The following KIRREL2 variants were observed in gnomAD, a reference collection of about 807,000 sequenced individuals.
KIRREL2 encodes kin of IRRE-like protein 2.
KIRREL2 carries 56 observed loss-of-function variants against 73.4 expected under a neutral mutation model. That is an observed-to-expected ratio of 0.76 (90% CI 0.62 to 0.95). The LOEUF (loss-of-function observed/expected upper bound fraction) is 0.95. Ranked by LOEUF, KIRREL2 falls within the 40% of genes least tolerant of loss-of-function variation. The pLI is 0.00. For missense variants in KIRREL2, 896 were observed against 935.0 expected, an observed-to-expected ratio of 0.96 and a Z score of 0.54; for synonymous variants, 407 against 404.0, an observed-to-expected ratio of 1.01 and a Z score of -0.09.
chr19:35,856,768 C>A (rs1054466258), upstream of KIRREL2: 1 of 406,956 alleles, frequency 2.5e-6, no homozygotes, highest in African/African-American at 2.1e-5. This position sits in a 1 kb window ranked among gnomAD's most constrained non-coding sequence, Gnocchi z 5.9. Context: ...GAGCTGGGGG[C>A]GCCCACCCGC....
At chr19:35,858,660 T>C (rs1199219992) in intron 3 of KIRREL2, 44 bp from the exon 4 acceptor site, 2 of 1,610,724 alleles carry the variant, frequency 1.2e-6, no homozygotes, top group East Asian at 4.5e-5. Context: ...CAATTGGAGC[T>C]GAGAAGATCA....
chr19:35,851,919 T>A, upstream of KIRREL2: 1 of 1,197,956 alleles, frequency 8.3e-7, no homozygotes, highest in Non-Finnish European at 1.2e-6. Context: ...TCCCTCTCTG[T>A]GTGTCTCTGC....
At position 35,864,619 on chromosome 19, in the gene KIRREL2, A is replaced by G. The variant is rs901249182; in HGVS notation, c.1726-29A>G. On this transcript the variant is annotated intron_variant, in intron 13 of 14. Coordinates refer to ENST00000360202, the MANE Select transcript of KIRREL2 (RefSeq NM_199180.4). ...ATTGGGGCGGGGGGATCCTCTGACT[A>G]TTCCCTCTCACTAAGTTCCCTACCC... 3 of 1,585,704 alleles carry G rather than the reference A, an allele frequency of 1.9e-6. No individual in the cohort carries two copies. The African/African-American group carries it at 4.0e-5, about 21-fold the overall frequency.
upstream of KIRREL2, chr19:35,851,813 C>T (rs376793744): frequency 2.2e-4 from 348 of 1,552,416 alleles, no homozygotes; most frequent in Non-Finnish European, 2.8e-4. Context: ...AGGAGAGAAG[C>T]CCTGAGCGTC....
At chr19:35,859,819 C>T (rs921090811) in intron 5 of KIRREL2, among the ~76,000 whole-genome samples, 188 bp downstream of exon 5, 1 of 152,070 alleles carries the variant, frequency 6.6e-6, no homozygotes, top group Non-Finnish European at 1.5e-5. Flanking sequence ...TCGAGGCAGG[C>T]GGATCATCTA....
At chr19:35,866,120 G>A (rs370664370) in intron 14 of KIRREL2, 37 bp from the exon 15 acceptor site, 22 of 1,576,486 alleles carry the variant, frequency 1.4e-5, no homozygotes, top group African/African-American at 1.2e-4. Context: ...CCCCCTGCAC[G>A]CTCACAGACT....
chr19:35,864,182 G>T (rs1470519854), intron 13 of KIRREL2, among the ~76,000 whole-genome samples: 2 of 151,074 alleles, frequency 1.3e-5, no homozygotes, highest in Non-Finnish European at 2.9e-5. Context: ...CGTTTTTGTT[G>T]TTGTTGTTGT....
chr19:35,858,775 A>G lies in KIRREL2; in HGVS notation c.433A>G (p.Thr145Ala). 6.2e-7 allele frequency: 1 copy of G among 1,614,100 alleles called. No individual in the cohort carries two copies. Among genetic ancestry groups the G allele is most frequent in the Non-Finnish European group, 8.5e-7 (1 of 1,180,024 alleles). ...SLVAGVPANLTCRSRGDARPT... is the reference protein window; with the variant it reads ...SLVAGVPANLACRSRGDARPT... ...GGTTGCTGGAGTTCCTGCGAACCTG[A>G]CATGTCGGAGCCGTGGGGATGCCCG... Residue 145 changes from threonine to alanine, a missense_variant, in exon 4 of 15, where the codon ACA (threonine) becomes GCA (alanine). Thr to Ala is a moderately conservative substitution (Grantham distance 58, BLOSUM62 0). Coordinates refer to ENST00000360202, the MANE Select transcript of KIRREL2 (RefSeq NM_199180.4).
Position 35,860,584 on chromosome 19 carries a change from C to T in KIRREL2, c.845C>T (p.Ala282Val). The T allele has an allele frequency of 3.7e-6, 6 of 1,603,676 alleles. No homozygotes were observed. Among genetic ancestry groups the T allele is most frequent in the Non-Finnish European group, 5.1e-6 (6 of 1,179,966 alleles). Residue 282 changes from alanine (A) to valine (V), a missense_variant, in exon 7 of 15, where the codon GCC becomes GTC. By Grantham distance (64) the Ala-to-Val change is moderately conservative. Coordinates refer to ENST00000360202, the MANE Select transcript of KIRREL2 (RefSeq NM_199180.4). ...CCAAGGTTAGAGGTCGTGGCAGACGCCTCGTTCCTGACTGAGCCCGTGTCC... is the reference window on the plus strand; with the variant it reads ...CCAAGGTTAGAGGTCGTGGCAGACGTCTCGTTCCTGACTGAGCCCGTGTCC... ...RGPRLEVVAD[A>V]SFLTEPVSCE...
chr19:35,852,960 A>T (rs1373705713), upstream of KIRREL2, among the ~76,000 whole-genome samples: 1 of 151,800 alleles, frequency 6.6e-6, no homozygotes, highest in Non-Finnish European at 1.5e-5. Flanking sequence ...ATGCCTGGCT[A>T]ATTTTTGTAT....
At chr19:35,858,911 T>C in intron 4 of KIRREL2, 47 bp downstream of exon 4, 7 of 1,600,176 alleles carry the variant, frequency 4.4e-6, no homozygotes, top group Non-Finnish European at 6.0e-6. Flanking sequence ...GAGGGAAACT[T>C]GGGTTACACT....
rs762544625 is a variant in KIRREL2 at position 35,859,527 on chromosome 19, C to T, written c.569C>T (p.Thr190Ile). The change falls in exon 5 of 15, where the codon ACC becomes ATC. Residue 190 changes from threonine to isoleucine, a missense_variant. Transcript: ENST00000360202. ...GTPGSVESTL[T>I]LTPFSHDDGA... ...CCTGGGTCAGTGGAGAGCACCTTAA[C>T]CCTGACCCCTTTCAGCCATGATGAT... 6.2e-7 allele frequency: 1 copy of T among 1,614,160 alleles called. No homozygotes were observed. Among genetic ancestry groups the T allele is most frequent in the East Asian group, 2.2e-5 (1 of 44,882 alleles).
upstream of KIRREL2, among the ~76,000 whole-genome samples, chr19:35,855,416 G>A (rs77055181): frequency 9.2e-3 from 1,392 of 151,816 alleles, 18 homozygotes; most frequent in East Asian, 0.065. Context: ...GGGAAGCGGC[G>A]TCAAGTGCCT....
rs1973577587 is a variant in KIRREL2 at position 35,859,606 on chromosome 19, C to T, written c.648C>T (p.Asp216=). ...GCCAGGCCCTGCCCACAGGAAGAGA[C>T]ACAGCTATCACACTGAGCCTGCAGT... ...ARSQALPTGR[D]TAITLSLQYP... is the part of the protein sequence containing the mutation. The change falls in exon 5 of 15, where the codon GAC becomes GAT. Residue 216 remains aspartate, a synonymous_variant. Transcript: ENST00000360202. The T allele has an allele frequency of 1.2e-6, 2 of 1,613,938 alleles. No homozygotes were observed. The highest frequency in any genetic ancestry group is 2.2e-5 in the South Asian group (2 of 91,086).
In KIRREL2 at chr19:35,862,584, G is replaced by T; in HGVS notation, c.1602G>T (p.Trp534Cys). 1.2e-6 allele frequency: 2 copies of T among 1,607,436 alleles called. No individual in the cohort carries two copies. The stretch of plus-strand genomic sequence containing the variant: ...TCACTGGGGTGGCCCTCTGCTGCTG[G>T]CGCCACAGCAAGGGTTAGTGCCTGA... ...MVITGVALCC[W>C]RHSKASASFS... The change falls in exon 12 of 15, where the codon TGG (tryptophan) becomes TGT (cysteine). Residue 534 changes from tryptophan to cysteine, a missense_variant. Coordinates refer to ENST00000360202, the MANE Select transcript of KIRREL2 (RefSeq NM_199180.4).
chr19:35,853,843 T>G (rs1973342620), upstream of KIRREL2, among the ~76,000 whole-genome samples: 2 of 143,968 alleles, frequency 1.4e-5, no homozygotes, highest in Non-Finnish European at 3.0e-5. Flanking sequence ...GGCTATTTTT[T>G]TTTTTTTTTT....
In KIRREL2 at chr19:35,866,178, A is replaced by C; in HGVS notation, c.1813A>C (p.Lys605Gln). Residue 605 changes from lysine (K) to glutamine (Q), a missense_variant, in exon 15 of 15, where the codon AAG becomes CAG. By Grantham distance (53) the Lys-to-Gln change is moderately conservative (BLOSUM62 1). Coordinates refer to ENST00000360202, the MANE Select transcript of KIRREL2 (RefSeq NM_199180.4). ...ETKDPTNGYY[K>Q]VRGVSVSLSL... ...TCAGGACCCAACCAACGGTTACTAC[A>C]AGGTCCGAGGAGTCAGTGTGAGCCT... The C allele has an allele frequency of 6.2e-7, 1 of 1,609,730 alleles. No individual in the cohort carries two copies. The highest frequency in any genetic ancestry group is 8.5e-7 in the Non-Finnish European group (1 of 1,178,928).
In KIRREL2 at chr19:35,866,450, C is replaced by T. The variant is rs776516629; in HGVS notation, c.2085C>T (p.Ala695=). 5 of 1,608,518 alleles carry T rather than the reference C, an allele frequency of 3.1e-6. No individual in the cohort carries two copies. The highest frequency in any genetic ancestry group is 3.4e-6 in the Non-Finnish European group (4 of 1,174,946). Residue 695 remains alanine (A), a synonymous_variant, in exon 15 of 15, where the codon GCC becomes GCT. Coordinates refer to ENST00000360202, the MANE Select transcript of KIRREL2 (RefSeq NM_199180.4). The part of the protein sequence containing the change: ...APGTPPFPYA[A]FPTPSHPRLQ... Reference sequence around the variant, plus strand: ...GGACTCCCCCCTTCCCATATGCTGCCTTCCCCACACCTAGCCACCCGCGTC... The same window carrying T: ...GGACTCCCCCCTTCCCATATGCTGCTTTCCCCACACCTAGCCACCCGCGTC...
At chr19:35,864,752 G>A (rs1458658403) in intron 14 of KIRREL2, 39 bp downstream of exon 14, 2 of 1,464,760 alleles carry the variant, frequency 1.4e-6, no homozygotes, top group East Asian at 2.3e-5. Flanking sequence ...TCACTGTTGG[G>A]AGAGGCGGGG....
Sources: gnomAD v4.1 joint callset for allele counts (sites outside exome capture counted in the v4.1 genomes callset) on GRCh38, gnomAD v4.1.1 for gene constraint, Gnocchi (gnomAD v3.1) non-coding constraint, MANE v1.5 for transcripts, NCBI Gene and HGNC (gene_info 2026-07-23, HGNC 2026-07-21) for gene names.